TLK1: variants seen among roughly 807,000 people sequenced by gnomAD.
The protein encoded by TLK1 is tousled like kinase 1.
TLK1 carries 24 observed loss-of-function variants against 105.3 expected under a neutral mutation model. That is an observed-to-expected ratio of 0.23 (90% CI 0.17 to 0.32). The LOEUF is 0.32. Ranked by LOEUF, TLK1 falls within the 10% of genes least tolerant of loss-of-function variation. The probability of loss-of-function intolerance (pLI) is 1.00; values close to 1 mark genes in which losing one functional copy is unlikely to be tolerated. For missense variants in TLK1, 558 were observed against 910.5 expected, an observed-to-expected ratio of 0.61 and a Z score of 4.98; for synonymous variants, 321 against 310.4, an observed-to-expected ratio of 1.03 and a Z score of -0.36.
intron 3 of TLK1, among the ~76,000 whole-genome samples, chr2:171,063,527 T>C (rs554597592): frequency 1.6e-4 from 24 of 152,330 alleles, no homozygotes; most frequent in African/African-American, 5.8e-4. Context: ...ATCTTAAATC[T>C]TGACTAGGTA....
At chr2:171,155,725 C>T (rs1692206960) in intron 1 of TLK1, 1 of 152,128 alleles carries the variant, frequency 6.6e-6, no homozygotes, top group Non-Finnish European at 1.5e-5. Flanking sequence ...CTACTTCTTT[C>T]CATTGTTGTT....
At chr2:171,197,971 G>A (rs1427464500) in intron 1 of TLK1, among the ~76,000 whole-genome samples, 2 of 152,112 alleles carry the variant, frequency 1.3e-5, no homozygotes, top group Non-Finnish European at 2.9e-5. Context: ...AACTGCACCA[G>A]ACAAAGTTTC....
intron 1 of TLK1, among the ~76,000 whole-genome samples, chr2:171,213,033 A>G (rs1181614897): frequency 6.6e-6 from 1 of 152,136 alleles, no homozygotes; most frequent in East Asian, 1.9e-4. Flanking sequence ...ATTACTTTGT[A>G]AAATTGTCCT....
At chr2:171,082,058 A>AC (rs1688779845) in intron 3 of TLK1, among the ~76,000 whole-genome samples, 3 of 132,824 alleles carry the variant, frequency 2.3e-5, no homozygotes, top group African/African-American at 9.0e-5. Context: ...CACACACACA[A>AC]GTGACAGACC....
chr2:171,103,006 T>A (rs78885192), intron 2 of TLK1, among the ~76,000 whole-genome samples: 1 of 151,698 alleles, frequency 6.6e-6, no homozygotes, highest in East Asian at 1.9e-4. Flanking sequence ...CATACAGCGG[T>A]GAGATAAGGC....
chr2:171,192,877 G>T (rs1558986312), intron 1 of TLK1, among the ~76,000 whole-genome samples: 1 of 152,172 alleles, frequency 6.6e-6, no homozygotes, highest in Non-Finnish European at 1.5e-5. Context: ...CTGTTCACAA[G>T]AGAGGATTAT....
At chr2:171,041,755 C>T (rs886683281) in intron 11 of TLK1, among the ~76,000 whole-genome samples, 1 of 152,080 alleles carries the variant, frequency 6.6e-6, no homozygotes, top group African/African-American at 2.4e-5. Flanking sequence ...GACTACTGTA[C>T]TACATAATAG....
chr2:171,155,562 G>C (rs1438706568), intron 1 of TLK1: 1 of 152,050 alleles, frequency 6.6e-6, no homozygotes, highest in African/African-American at 2.4e-5. Flanking sequence ...TATATTTAGG[G>C]ATTTTTAAAA....
At chr2:171,078,158 G>A (rs1688596885) in intron 3 of TLK1, among the ~76,000 whole-genome samples, 1 of 152,162 alleles carries the variant, frequency 6.6e-6, no homozygotes, top group Non-Finnish European at 1.5e-5. Flanking sequence ...ACTCTAGCTA[G>A]ATCCCTTTGA....
At chr2:171,066,822 T>C (rs935946358) in intron 3 of TLK1, 1 of 1,549,970 alleles carries the variant, frequency 6.5e-7, no homozygotes, top group Admixed American at 2.0e-5. Context: ...AAGTTGAACT[T>C]TCTCCCCTAC....
At position 171,049,957 on chromosome 2, in the gene TLK1, A is replaced by T. The variant is rs768640389; in HGVS notation, c.844-7T>A. 6.2e-7 allele frequency: 1 copy of T among 1,603,594 alleles called. No homozygotes were observed. The highest frequency in any genetic ancestry group is 8.5e-7 in the Non-Finnish European group (1 of 1,173,852). On this transcript the variant is annotated splice_region_variant and splice_polypyrimidine_tract_variant and intron_variant, in intron 9 of 20. Transcript: ENST00000431350. ...ACAGCTTTTCTTGTGTACTCTGAAA[A>T]GGAGAAAAAAAATCATCACTCAATT...
chr2:171,191,858 T>C (rs187776362), intron 1 of TLK1, among the ~76,000 whole-genome samples: 272 of 152,168 alleles, frequency 1.8e-3, no homozygotes, highest in Non-Finnish European at 2.0e-3. Flanking sequence ...TCTGATTCTT[T>C]GATGTAATAA....
chr2:171,022,283 A>AGTTTTCCCTAC (rs1282583414), intron 12 of TLK1, among the ~76,000 whole-genome samples: 2 of 152,136 alleles, frequency 1.3e-5, no homozygotes, highest in African/African-American at 4.8e-5. Context: ...GTAAACACTG[A>AGTTTTCCCTAC]GTTTTCCCAT....
chr2:171,053,668 A>C, intron 8 of TLK1, 93 bp downstream of exon 8: 2 of 1,044,428 alleles, frequency 1.9e-6, no homozygotes, highest in South Asian at 3.5e-5. Context: ...GCCTAGCTAC[A>C]GATTTTTTTA....
chr2:170,996,544 G>A, intron 20 of TLK1, 109 bp downstream of exon 20: 1 of 796,784 alleles, frequency 1.3e-6, no homozygotes, highest in Non-Finnish European at 2.0e-6. Context: ...CAGATCCCCT[G>A]CAGCAGCGAG....
chr2:171,068,677 C>G (rs969303140), intron 3 of TLK1, among the ~76,000 whole-genome samples: 2 of 152,154 alleles, frequency 1.3e-5, no homozygotes, highest in Non-Finnish European at 2.9e-5. Context: ...GGATTAGGAA[C>G]AGTCTGTCTG....
At chr2:171,072,139 A>G (rs1277593785) in intron 3 of TLK1, among the ~76,000 whole-genome samples, 2 of 152,166 alleles carry the variant, frequency 1.3e-5, no homozygotes, top group African/African-American at 4.8e-5. Context: ...GAAGAATGCC[A>G]TTGGTATTTT....
intron 2 of TLK1, among the ~76,000 whole-genome samples, chr2:171,100,869 A>C (rs1248482248): frequency 1.3e-5 from 2 of 152,238 alleles, no homozygotes; most frequent in Non-Finnish European, 2.9e-5. Flanking sequence ...AATTTCTAAG[A>C]GTGTTCCTAA....
intron 1 of TLK1, among the ~76,000 whole-genome samples, chr2:171,186,072 G>A (rs946341536): frequency 1.3e-5 from 2 of 152,196 alleles, no homozygotes; most frequent in African/African-American, 4.8e-5. Flanking sequence ...GTGACTTTGG[G>A]ATGCTTCCAA....
Sources: gnomAD v4.1 joint callset for allele counts (sites outside exome capture counted in the v4.1 genomes callset) on GRCh38, gnomAD v4.1.1 for gene constraint, MANE v1.5 for transcripts, NCBI Gene and HGNC (gene_info 2026-07-23, HGNC 2026-07-21) for gene names.